Variants in BAIAP3 observed in about 807,000 individuals in gnomAD.
BAIAP3 encodes the protein BAI1-associated protein 3.
BAIAP3 carries 180 observed loss-of-function variants against 149.7 expected under a neutral mutation model. The observed-to-expected ratio is 1.20, with a 90% CI of 1.07 to 1.36. BAIAP3 has a LOEUF of 1.36. BAIAP3 is among the 40% of genes most tolerant of loss of function. The pLI, the probability that BAIAP3 is intolerant of heterozygous loss-of-function variation, is 0.00. For missense variants in BAIAP3, 1,767 were observed against 1,563.4 expected (o/e 1.13, Z -2.20); for synonymous variants, 845 against 670.7 (o/e 1.26, Z -4.02).
intron 28 of BAIAP3, 158 bp downstream of exon 28, chr16:1,347,113 C>T (rs780154513): frequency 5.1e-5 from 45 of 875,838 alleles, no homozygotes; most frequent in Non-Finnish European, 7.5e-5. Context: ...CGAGGTGTGG[C>T]CTCTGGTGAT....
chr16:1,338,793 G>A (rs1172810916), intron 2 of BAIAP3, 109 bp from the exon 3 acceptor site: 1 of 1,580,802 alleles, frequency 6.3e-7, no homozygotes, highest in Non-Finnish European at 8.6e-7. Context: ...TCTGCAGTTA[G>A]CTGTGCCACA....
Position 1,348,631 on chromosome 16 carries a change from A to G in BAIAP3, c.*149A>G. 3.9e-6 allele frequency: 3 copies of G among 763,298 alleles called. No homozygotes were observed. The South Asian group carries it at 5.2e-5, about 13-fold the overall frequency. The allele number at this position is 763,298 out of a possible 1,614,324, so 47.3% of individuals were successfully genotyped here. A position where few individuals can be genotyped will look rare whatever the true frequency, so the allele number is the denominator to read the frequency against. On this transcript the variant is annotated 3_prime_UTR_variant, in exon 34 of 34. Transcript: ENST00000426824. ...TGTCGTGGCTGGCCCCGCGGCGCCT[A>G]CCGCCCTGGCCGTGTCTGTCTGGTG... is the stretch of plus-strand genomic sequence containing the variant.
Position 1,348,244 on chromosome 16 carries a change from G to A in BAIAP3, c.3298G>A (p.Gly1100Arg), listed in dbSNP as rs754394948. Residue 1100 changes from glycine (G) to arginine (R), a missense_variant, in exon 33 of 34, where the codon GGG (glycine) becomes AGG (arginine). Physicochemically the swap from Gly to Arg is moderately radical, Grantham distance 125 (BLOSUM62 -2). Coordinates refer to ENST00000426824, the MANE Select transcript of BAIAP3 (RefSeq NM_001199097.2). ...VTGVARPQVG[G>R]GARAGQPVTL... is the part of the protein sequence containing the mutation. ...TGGTGTCGCCCGGCCCCAGGTGGGCGGGGGTGCAAGGGCTGGGCAGCCTGT... is the reference window on the plus strand; with the variant it reads ...TGGTGTCGCCCGGCCCCAGGTGGGCAGGGGTGCAAGGGCTGGGCAGCCTGT... 1.3e-5 allele frequency: 21 copies of A among 1,604,146 alleles called. No homozygotes were observed. Among genetic ancestry groups the A allele is most frequent in the African/African-American group, 2.7e-5 (2 of 74,862 alleles).
chr16:1,346,747 G>A (rs1186213171), intron 27 of BAIAP3, 63 bp downstream of exon 27: 3 of 1,532,430 alleles, frequency 2.0e-6, no homozygotes, highest in East Asian at 2.4e-5. Flanking sequence ...GCCCTGCAGG[G>A]TGCCGGAGGC....
At chr16:1,348,044 C>G (rs751406753) in intron 32 of BAIAP3, 27 bp downstream of exon 32, 1 of 1,590,548 alleles carries the variant, frequency 6.3e-7, no homozygotes, top group East Asian at 2.3e-5. Context: ...CCAGCCCCAG[C>G]CCCAGGCTCC....
intron 1 of BAIAP3, chr16:1,334,891 A>T (rs1567154519): frequency 4.9e-6 from 4 of 815,894 alleles, no homozygotes. Flanking sequence ...TGTGGGGCAG[A>T]TGTCCTGCCA....
intron 20 of BAIAP3, 46 bp downstream of exon 20, chr16:1,344,895 T>C: frequency 6.2e-7 from 1 of 1,613,676 alleles, no homozygotes; most frequent in Non-Finnish European, 8.5e-7. Context: ...CATGGGGAAG[T>C]GGGCAGATGC....
chr16:1,340,976 G>T lies in BAIAP3; in HGVS notation c.463G>T (p.Ala155Ser). ...HTEAIERVRK[A>S]KAPTYALKVS... Reference sequence around the variant, plus strand: ...TGAGGCCATCGAGCGAGTGAGGAAGGCCAAGGTGAGGCCGCCACTGCCTGG... The same window carrying T: ...TGAGGCCATCGAGCGAGTGAGGAAGTCCAAGGTGAGGCCGCCACTGCCTGG... The change falls in exon 6 of 34, where the codon GCC becomes TCC. Residue 155 changes from alanine (A) to serine (S), a missense_variant. Coordinates refer to ENST00000426824, the MANE Select transcript of BAIAP3 (RefSeq NM_001199097.2). 6.3e-7 allele frequency: 1 copy of T among 1,596,622 alleles called. No homozygotes were observed. The highest frequency in any genetic ancestry group is 8.5e-7 in the Non-Finnish European group (1 of 1,172,296).
intron 28 of BAIAP3, 60 bp from the exon 29 acceptor site, chr16:1,347,238 C>G: frequency 1.9e-6 from 3 of 1,543,336 alleles, no homozygotes; most frequent in South Asian, 2.3e-5. Flanking sequence ...CTGGGGGTCT[C>G]TACCTGTCCC....
At chr16:1,347,665 C>T (rs779530589) in intron 30 of BAIAP3, 36 bp from the exon 31 acceptor site, 2 of 1,612,730 alleles carry the variant, frequency 1.2e-6, no homozygotes, top group East Asian at 2.2e-5. Flanking sequence ...CTCCGAGGCT[C>T]CCAGAGCCCA....
intron 5 of BAIAP3, among the ~76,000 whole-genome samples, chr16:1,339,990 CAT>C (rs1294453725): frequency 2.9e-5 from 4 of 139,772 alleles, no homozygotes; most frequent in Non-Finnish European, 3.0e-5. Context: ...GCTGCAGGTG[CAT>C]ACAGATGCAC....
intron 12 of BAIAP3, 32 bp from the exon 13 acceptor site, chr16:1,342,687 G>A: frequency 6.2e-7 from 1 of 1,611,742 alleles, no homozygotes; most frequent in Non-Finnish European, 8.5e-7. Flanking sequence ...GGCGGGGGCA[G>A]AGCTGGTGAC....
chr16:1,341,373 G>A lies in BAIAP3; in HGVS notation c.615G>A (p.Gln205=). The change falls in exon 8 of 34, where the codon CAG becomes CAA. Residue 205 remains glutamine, a synonymous_variant. Transcript: ENST00000426824. ...ATREPRAQKE[Q]RFGFRKGSKR... ...GGGAGCCCCGTGCACAGAAGGAGCAGCGCTTCGGCTTCCGCAAGGGCAGCA... is the reference window on the plus strand; with the variant it reads ...GGGAGCCCCGTGCACAGAAGGAGCAACGCTTCGGCTTCCGCAAGGGCAGCA... 6.2e-7 allele frequency: 1 copy of A among 1,612,510 alleles called. No homozygotes were observed. Among genetic ancestry groups the A allele is most frequent in the Middle Eastern group, 1.7e-4 (1 of 6,060 alleles).
intron 11 of BAIAP3, 49 bp from the exon 12 acceptor site, chr16:1,342,478 A>T: frequency 6.7e-7 from 1 of 1,501,094 alleles, no homozygotes; most frequent in Non-Finnish European, 9.1e-7. Context: ...GTCAGTGTGG[A>T]AGGGGAGGGG....
At chr16:1,343,547 G>C (rs2034084950) in intron 15 of BAIAP3, 34 bp downstream of exon 15, 2 of 1,601,568 alleles carry the variant, frequency 1.2e-6, no homozygotes, top group Admixed American at 1.7e-5. Flanking sequence ...GCCAGCCATG[G>C]CGAAGGGAGT....
chr16:1,348,019 TGA>T lies in BAIAP3; in HGVS notation c.3149+4_3149+5del. On this transcript the variant is annotated splice_donor_region_variant and intron_variant, in intron 32 of 33. Coordinates refer to ENST00000426824, the MANE Select transcript of BAIAP3 (RefSeq NM_001199097.2). ...TGTATACGACGAACTCTTCTACTTG[TGA>T]GTGTCCTAAGCCCCAGCCCCAGCCC... 1 of 1,607,578 alleles carries T rather than the reference TGA, an allele frequency of 6.2e-7. No homozygotes were observed. The highest frequency in any genetic ancestry group is 8.5e-7 in the Non-Finnish European group (1 of 1,179,682).
At chr16:1,342,351 G>A (rs1420025344) in intron 11 of BAIAP3, 68 bp downstream of exon 11, 2 of 1,529,618 alleles carry the variant, frequency 1.3e-6, no homozygotes, top group Non-Finnish European at 1.8e-6. Context: ...AGCCTTCAAG[G>A]GGCAGGGCAC....
intron 22 of BAIAP3, 43 bp from the exon 23 acceptor site, chr16:1,345,704 T>G: frequency 2.0e-6 from 1 of 506,006 alleles, no homozygotes; most frequent in Middle Eastern, 7.8e-4. Context: ...CTCCCCAGCC[T>G]CCCCTGCCTC....
chr16:1,342,332 G>A (rs769835956), intron 11 of BAIAP3, 49 bp downstream of exon 11: 1 of 1,576,626 alleles, frequency 6.3e-7, no homozygotes, highest in East Asian at 2.3e-5. Context: ...AGGGCCTGGG[G>A]AGTGTCCCAG....
Sources: allele counts gnomAD v4.1 joint callset (sites outside exome capture counted in the v4.1 genomes callset), GRCh38; gene constraint gnomAD v4.1.1; transcripts MANE v1.5; gene names NCBI Gene and HGNC (gene_info 2026-07-23, HGNC 2026-07-21).